Variants in CREB3L2 observed in about 807,000 individuals in gnomAD.
CREB3L2 encodes the protein cyclic AMP-responsive element-binding protein 3-like protein 2.
A neutral mutation model predicts 57.2 loss-of-function variants in CREB3L2; 23 were observed. The observed-to-expected ratio is 0.40, with a 90% CI of 0.29 to 0.57. The LOEUF is 0.57. CREB3L2 is among the 20% of genes least tolerant of loss of function. The pLI is 0.42. For synonymous variants in CREB3L2, 268 were observed against 265.1 expected, an observed-to-expected ratio of 1.01 and a Z score of -0.11; for missense variants, 628 against 634.7, an observed-to-expected ratio of 0.99 and a Z score of 0.11.
Position 138,001,804 on chromosome 7 carries a change from G to C in CREB3L2, c.-99C>G. ...GGTTCCTCTCTCTCCGCGTGTGCTT[G>C]CGTGTGTGCGCGCGCGTGTCTGTAG... On this transcript the variant is annotated 5_prime_UTR_variant, in exon 1 of 12. Coordinates refer to ENST00000330387, the MANE Select transcript of CREB3L2 (RefSeq NM_194071.4). This position sits in a 1 kb window ranked among gnomAD's most constrained non-coding sequence, Gnocchi z 4.2. 7.8e-6 allele frequency: 6 copies of C among 772,440 alleles called. No individual in the cohort carries two copies. Among genetic ancestry groups the C allele is most frequent in the Non-Finnish European group, 1.2e-5 (6 of 512,098 alleles). The allele number at this position is 772,440 out of a possible 1,614,324, so 47.8% of individuals were successfully genotyped here. A position where few individuals can be genotyped will look rare whatever the true frequency, so the allele number is the denominator to read the frequency against.
chr7:137,894,157 T>G (rs1463619155), intron 8 of CREB3L2, among the ~76,000 whole-genome samples: 2 of 152,188 alleles, frequency 1.3e-5, no homozygotes, highest in African/African-American at 4.8e-5. Context: ...CCTGGACAGA[T>G]GAGGTAATGT....
At chr7:137,884,884 A>T in intron 10 of CREB3L2, 111 bp downstream of exon 10, 1 of 1,469,718 alleles carries the variant, frequency 6.8e-7, no homozygotes, top group South Asian at 1.1e-5. Context: ...CTCCACTTTT[A>T]CCACTTTTTA....
At chr7:137,948,334 A>C (rs1383622530) in intron 1 of CREB3L2, among the ~76,000 whole-genome samples, 1 of 152,190 alleles carries the variant, frequency 6.6e-6, no homozygotes, top group Non-Finnish European at 1.5e-5. Context: ...AACTCAATTC[A>C]CGATTAAACT....
rs531628997 is a variant in CREB3L2, at chr7:137,989,516, G to A, written c.102+12088C>T. Among the ~76,000 whole-genome samples the A allele has an allele frequency of 2.7e-5, 4 of 147,092 alleles. No individual in the cohort carries two copies. In the Admixed American group the frequency reaches 2.8e-4, roughly 10 times the overall value. On this transcript the variant is annotated intron_variant, in intron 1 of 11. Transcript: ENST00000330387. ...TGGCCAATCCTTCTGGTGCCCCCAGGGCTCCACACTCAGCCCTTCTCTCAA... is the reference window on the plus strand; with the variant it reads ...TGGCCAATCCTTCTGGTGCCCCCAGAGCTCCACACTCAGCCCTTCTCTCAA...
chr7:137,904,043 T>C, intron 6 of CREB3L2, 26 bp from the exon 7 acceptor site: 1 of 1,588,480 alleles, frequency 6.3e-7, no homozygotes, highest in Non-Finnish European at 8.6e-7. Flanking sequence ...GGGAGGAGAA[T>C]GATTAATTTC....
At chr7:137,922,399 T>C (rs556359556) in intron 2 of CREB3L2, among the ~76,000 whole-genome samples, 26 of 16,848 alleles carry the variant, frequency 1.5e-3, no homozygotes, top group Admixed American at 6.0e-3. Flanking sequence ...TATATATATA[T>C]ATATATATAT....
At chr7:137,955,479 T>C (rs1401596195) in intron 1 of CREB3L2, 2 of 338,796 alleles carry the variant, frequency 5.9e-6, no homozygotes, top group Admixed American at 6.9e-5. Context: ...TCTAGAAATA[T>C]GTGTGAGGGC....
At chr7:137,950,345 T>C (rs1037237513) in intron 1 of CREB3L2, among the ~76,000 whole-genome samples, 2 of 152,190 alleles carry the variant, frequency 1.3e-5, no homozygotes, top group African/African-American at 2.4e-5. Context: ...AAACGTCTGA[T>C]AGTCATTTCA....
At position 137,905,326 on chromosome 7, in the gene CREB3L2, A is replaced by G. The variant is rs71541369; in HGVS notation, c.915+376T>C. On this transcript the variant is annotated intron_variant, in intron 6 of 11. Transcript: ENST00000330387. Reference sequence around the variant, plus strand: ...TGTATTTTATATAGATACATAGAGTACATATATATGTCTACTAGAGGAAAC... The same window carrying G: ...TGTATTTTATATAGATACATAGAGTGCATATATATGTCTACTAGAGGAAAC... Among the ~76,000 whole-genome samples, 948 of 149,670 alleles carry G rather than the reference A, an allele frequency of 6.3e-3. 7 individuals are homozygous for G. The highest frequency in any genetic ancestry group is 1.0e-2 in the Non-Finnish European group (675 of 67,552).
At chr7:137,941,469 C>T (rs540431051) in intron 1 of CREB3L2, among the ~76,000 whole-genome samples, 1 of 152,332 alleles carries the variant, frequency 6.6e-6, no homozygotes, top group East Asian at 1.9e-4. Flanking sequence ...CATGTTCCTT[C>T]CTCTCATAAA....
intron 1 of CREB3L2, among the ~76,000 whole-genome samples, chr7:137,974,492 T>C (rs1801569682): frequency 6.6e-6 from 1 of 152,118 alleles, no homozygotes. Context: ...GAGCGCAGAT[T>C]GTCAGGGAAG....
At chr7:137,910,929 T>C (rs952140050) in intron 4 of CREB3L2, among the ~76,000 whole-genome samples, 1 of 152,212 alleles carries the variant, frequency 6.6e-6, no homozygotes, top group African/African-American at 2.4e-5. Context: ...GTCAAGGATA[T>C]TGAATTTCCT....
intron 1 of CREB3L2, chr7:137,955,189 C>A: frequency 1.2e-6 from 1 of 847,408 alleles, no homozygotes; most frequent in Non-Finnish European, 1.7e-6. Flanking sequence ...CATTAGAAAC[C>A]CCCTGAAATC....
intron 11 of CREB3L2, among the ~76,000 whole-genome samples, chr7:137,881,108 G>A (rs1294288673): frequency 2.0e-5 from 3 of 152,172 alleles, no homozygotes; most frequent in African/African-American, 7.2e-5. Flanking sequence ...TTTGAAGTGG[G>A]CCTTGAACAG....
intron 8 of CREB3L2, among the ~76,000 whole-genome samples, chr7:137,898,656 A>G (rs1799675162): frequency 6.6e-6 from 1 of 152,206 alleles, no homozygotes; most frequent in African/African-American, 2.4e-5. Flanking sequence ...ACCTATGAAG[A>G]ATTCTTACCA....
intron 1 of CREB3L2, among the ~76,000 whole-genome samples, chr7:137,984,207 C>T (rs1801757763): frequency 6.6e-6 from 1 of 152,214 alleles, no homozygotes; most frequent in Non-Finnish European, 1.5e-5. Context: ...TGCTTGACCA[C>T]TCAATATCCA....
At chr7:137,974,827 G>A (rs1278042973) in intron 1 of CREB3L2, among the ~76,000 whole-genome samples, 3 of 152,180 alleles carry the variant, frequency 2.0e-5, no homozygotes, top group African/African-American at 7.2e-5. Flanking sequence ...CTGGAGATAG[G>A]GAACAGGTTT....
chr7:137,977,472 T>C (rs1255179152), intron 1 of CREB3L2, among the ~76,000 whole-genome samples: 4 of 152,222 alleles, frequency 2.6e-5, no homozygotes, highest in Non-Finnish European at 4.4e-5. Flanking sequence ...GGAAAGAATC[T>C]TGGTATAACC....
chr7:137,955,547 C>T (rs992204100), intron 1 of CREB3L2, among the ~76,000 whole-genome samples: 1 of 152,150 alleles, frequency 6.6e-6, no homozygotes, highest in Non-Finnish European at 1.5e-5. Flanking sequence ...GGAAGATAAT[C>T]TGAAACAAAC....
Sources: gnomAD v4.1 joint callset for allele counts (sites outside exome capture counted in the v4.1 genomes callset) on GRCh38, gnomAD v4.1.1 for gene constraint, Gnocchi (gnomAD v3.1) non-coding constraint, MANE v1.5 for transcripts, NCBI Gene and HGNC (gene_info 2026-07-23, HGNC 2026-07-21) for gene names.